The following P4HTM variants were observed in gnomAD, a reference collection of about 807,000 sequenced individuals.
P4HTM encodes the protein transmembrane prolyl 4-hydroxylase.
Under a neutral mutation model 55.3 loss-of-function variants are expected in P4HTM, and 33 were observed. That is an observed-to-expected ratio of 0.60 (90% CI 0.45 to 0.80). The LOEUF (loss-of-function observed/expected upper bound fraction) is 0.80, where lower values mean the gene tolerates loss of function less well. Ranked by LOEUF, P4HTM falls within the 30% of genes least tolerant of loss-of-function variation. P4HTM has a pLI of 0.00. For missense variants in P4HTM, 542 were observed against 696.5 expected, an observed-to-expected ratio of 0.78 and a Z score of 2.50; for synonymous variants, 272 against 286.4, an observed-to-expected ratio of 0.95 and a Z score of 0.51.
At chr3:49,003,994 G>A in intron 4 of P4HTM, 104 bp from the exon 5 acceptor site, 1 of 1,174,184 alleles carries the variant, frequency 8.5e-7, no homozygotes, top group Non-Finnish European at 1.2e-6. Flanking sequence ...AGTGCCTGAG[G>A]TCAGGGGCTG....
chr3:49,005,058 C>T lies in P4HTM; in HGVS notation c.1073+12C>T. 1 of 1,614,004 alleles carries T rather than the reference C, an allele frequency of 6.2e-7. No homozygotes were observed. The highest frequency in any genetic ancestry group is 8.5e-7 in the Non-Finnish European group (1 of 1,180,046). On this transcript the variant is annotated intron_variant, in intron 6 of 8. Transcript: ENST00000383729. ...GAGACCTCCTGCCGGCAAGTATCTC[C>T]CAACTGGGGGCTGCCTTCAATCCTC...
At position 49,002,509 on chromosome 3, in the gene P4HTM, C is replaced by A. The variant is rs17854497; in HGVS notation, c.637C>A (p.Gln213Lys). The change falls in exon 4 of 9, where the codon CAG (glutamine) becomes AAG (lysine). Residue 213 changes from glutamine (Q) to lysine (K), a missense_variant. Gln to Lys is a moderately conservative substitution (Grantham distance 53, BLOSUM62 1). This residue lies in a region of P4HTM where 536 missense variants were observed against 672.1 expected (regional missense o/e 0.80). Coordinates refer to ENST00000383729, the MANE Select transcript of P4HTM (RefSeq NM_177939.3). The surrounding 1 kb of genome is among the most constrained non-coding windows in gnomAD (Gnocchi z 4.4). ...GHLQLREVLAQTRLGNGWWMT... is the reference protein window; with the variant it reads ...GHLQLREVLAKTRLGNGWWMT... ...CCCTCTTATGCTTTAGGTTCTGGCC[C>A]AGACTCGCCTGGGAAATGGATGGTG... is the stretch of plus-strand genomic sequence containing the variant. 6.2e-7 allele frequency: 1 copy of A among 1,613,834 alleles called. No individual in the cohort carries two copies. Among genetic ancestry groups the A allele is most frequent in the Non-Finnish European group, 8.5e-7 (1 of 1,179,730 alleles).
In P4HTM at chr3:49,005,884, C is replaced by CTATT; in HGVS notation, c.1164+18_1164+21dup. On this transcript the variant is annotated intron_variant, in intron 7 of 8. Coordinates refer to ENST00000383729, the MANE Select transcript of P4HTM (RefSeq NM_177939.3). ...GATGAAATGGTAAGGGTCAACTGGG[C>CTATT]TATTACTCTTGTGGGCTGGCAGGGG... 1.3e-6 allele frequency: 2 copies of CTATT among 1,536,786 alleles called. No individual in the cohort carries two copies. The highest frequency in any genetic ancestry group is 1.8e-6 in the Non-Finnish European group (2 of 1,138,112).
intron 2 of P4HTM, among the ~76,000 whole-genome samples, chr3:49,000,761 CAG>C (rs1414733063): frequency 6.6e-6 from 1 of 152,174 alleles, no homozygotes; most frequent in Non-Finnish European, 1.5e-5. Flanking sequence ...GATCTTTACT[CAG>C]GGGTGTAGAG....
chr3:48,993,926 T>A (rs948867855), intron 2 of P4HTM, among the ~76,000 whole-genome samples: 2 of 149,722 alleles, frequency 1.3e-5, no homozygotes, highest in Non-Finnish European at 3.0e-5. Context: ...GGGCAAATTA[T>A]GAAAAGCAGA....
chr3:49,004,530 C>T, intron 5 of P4HTM: 1 of 557,036 alleles, frequency 1.8e-6, no homozygotes, highest in Non-Finnish European at 3.2e-6. Flanking sequence ...TCTTTGACCC[C>T]TTATCTGACC....
chr3:49,001,467 T>G lies in P4HTM; in HGVS notation c.466T>G (p.Cys156Gly). The G allele has an allele frequency of 6.2e-7, 1 of 1,613,742 alleles. No individual in the cohort carries two copies. Among genetic ancestry groups the G allele is most frequent in the Non-Finnish European group, 8.5e-7 (1 of 1,179,976 alleles). The change falls in exon 3 of 9, where the codon TGT (cysteine) becomes GGT (glycine). Residue 156 changes from cysteine (C) to glycine (G), a missense_variant. Cys to Gly is a radical substitution (Grantham distance 159, BLOSUM62 -3). Around this residue, in one of 2 missense-constraint regions of P4HTM, gnomAD observed 536 missense variants for 672.1 expected, o/e 0.80. Transcript: ENST00000383729. ...CCCCGGCTTCCTGACTGATGAAGAGTGTCGGCTCATCATCCATCTGGCGCA... is the reference window on the plus strand; with the variant it reads ...CCCCGGCTTCCTGACTGATGAAGAGGGTCGGCTCATCATCCATCTGGCGCA... ...EIPGFLTDEE[C>G]RLIIHLAQMK...
rs760867996 is a variant in P4HTM, at chr3:48,990,455, T to G, written c.199T>G (p.Phe67Val). 1 of 1,610,580 alleles carries G rather than the reference T, an allele frequency of 6.2e-7. No homozygotes were observed. The highest frequency in any genetic ancestry group is 1.7e-5 in the Admixed American group (1 of 59,952). ...SRAYFLVLMV[F>V]VHLYLGNVLA... is the part of the protein sequence containing the mutation. ...CGCCTACTTCCTGGTGCTGATGGTGTTCGTGCACCTGTACCTGGGTAACGT... is the reference window on the plus strand; with the variant it reads ...CGCCTACTTCCTGGTGCTGATGGTGGTCGTGCACCTGTACCTGGGTAACGT... The change falls in exon 1 of 9, where the codon TTC (phenylalanine) becomes GTC (valine). Residue 67 changes from phenylalanine (F) to valine (V), a missense_variant. Coordinates refer to ENST00000383729, the MANE Select transcript of P4HTM (RefSeq NM_177939.3). This position sits in a 1 kb window ranked among gnomAD's most constrained non-coding sequence, Gnocchi z 7.2.
chr3:49,006,192 G>T lies in P4HTM; in HGVS notation c.1288+5G>T. 6.2e-7 allele frequency: 1 copy of T among 1,610,922 alleles called. No homozygotes were observed. Among genetic ancestry groups the T allele is most frequent in the South Asian group, 1.1e-5 (1 of 91,012 alleles). On this transcript the variant is annotated splice_donor_5th_base_variant and intron_variant, in intron 8 of 8. Transcript: ENST00000383729. Reference sequence around the variant, plus strand: ...ACTACCTGCCTGATGGGCAAGGTGAGGGCCTATGGCCAGGCCTGGGGGGGG... The same window carrying T: ...ACTACCTGCCTGATGGGCAAGGTGATGGCCTATGGCCAGGCCTGGGGGGGG...
chr3:48,996,212 A>G (rs1300852301), intron 2 of P4HTM: 1 of 152,174 alleles, frequency 6.6e-6, no homozygotes, highest in East Asian at 1.9e-4. Context: ...CATGACAAAC[A>G]CTGGAGGCCC....
At chr3:49,000,732 C>T (rs2092958574) in intron 2 of P4HTM, among the ~76,000 whole-genome samples, 1 of 152,196 alleles carries the variant, frequency 6.6e-6, no homozygotes, top group Non-Finnish European at 1.5e-5. Context: ...GCCACTGAAG[C>T]CAAGCCCCAG....
At position 49,002,277 on chromosome 3, in the gene P4HTM, G is replaced by A. The variant is rs1251328091; in HGVS notation, c.628-223G>A. On this transcript the variant is annotated intron_variant, in intron 3 of 8. Transcript: ENST00000383729. This position sits in a 1 kb window ranked among gnomAD's most constrained non-coding sequence, Gnocchi z 4.4. ...ATGAAGGCCACGGGGCCTTAGTCCG[G>A]GAATGCAAATGGCCTACGCCTCTTG... 6.6e-6 allele frequency among the ~76,000 whole-genome samples: 1 copy of A among 152,250 alleles called. No individual in the cohort carries two copies. Among genetic ancestry groups the A allele is most frequent in the Non-Finnish European group, 1.5e-5 (1 of 68,042 alleles).
In P4HTM at chr3:49,004,715, C is replaced by T. The variant is rs190885297; in HGVS notation, c.888-146C>T. The T allele has an allele frequency of 1.3e-5, 10 of 748,772 alleles. No homozygotes were observed. In the East Asian group the frequency reaches 2.2e-4, roughly 17 times the overall value. The allele number at this position is 748,772 out of a possible 1,614,324, so 46.4% of individuals were successfully genotyped here. On this transcript the variant is annotated intron_variant, in intron 5 of 8. Coordinates refer to ENST00000383729, the MANE Select transcript of P4HTM (RefSeq NM_177939.3). ...CATGAGTAACCCCCTCCTGCTCTTA[C>T]AGGGCCAGTCTGAGATGGCTTAAGG...
Position 49,006,741 on chromosome 3 carries a change from G to A in P4HTM, c.1343G>A (p.Arg448His), listed in dbSNP as rs2092984186. ...YSLHGGCLVTRGTKWIANNWI... is the reference protein window; with the variant it reads ...YSLHGGCLVTHGTKWIANNWI... Reference sequence around the variant, plus strand: ...CTGCACGGGGGCTGCCTGGTCACGCGCGGCACCAAGTGGATTGCCAACAAC... The same window carrying A: ...CTGCACGGGGGCTGCCTGGTCACGCACGGCACCAAGTGGATTGCCAACAAC... The change falls in exon 9 of 9, where the codon CGC (arginine) becomes CAC (histidine). Residue 448 changes from arginine (R) to histidine (H), a missense_variant. Coordinates refer to ENST00000383729, the MANE Select transcript of P4HTM (RefSeq NM_177939.3). 1 of 1,613,724 alleles carries A rather than the reference G, an allele frequency of 6.2e-7. No homozygotes were observed.
intron 5 of P4HTM, 100 bp downstream of exon 5, chr3:49,004,360 C>T: frequency 8.3e-7 from 1 of 1,200,032 alleles, no homozygotes. Flanking sequence ...AATGGATTAA[C>T]CCATTTGGGA....
chr3:48,992,522 C>T (rs993149110), intron 2 of P4HTM, among the ~76,000 whole-genome samples: 1 of 151,260 alleles, frequency 6.6e-6, no homozygotes, highest in African/African-American at 2.4e-5. Context: ...ATGAGAATTA[C>T]TTGAACCCAG....
chr3:48,993,425 C>T (rs908672352), intron 2 of P4HTM, among the ~76,000 whole-genome samples: 4 of 152,108 alleles, frequency 2.6e-5, no homozygotes, highest in African/African-American at 9.7e-5. Flanking sequence ...ACACTACTAA[C>T]GACTACTATG....
intron 4 of P4HTM, chr3:49,003,735 C>G (rs890934055): frequency 5.2e-6 from 1 of 191,772 alleles, no homozygotes; most frequent in African/African-American, 2.4e-5. Flanking sequence ...CTCCACAGGC[C>G]GGAGAGTGGC....
In P4HTM at chr3:48,996,847, C is replaced by G. The variant is rs188998054; in HGVS notation, c.437-4591C>G. 1.3e-3 allele frequency among the ~76,000 whole-genome samples: 197 copies of G among 152,260 alleles called. 1 individual carries two copies. The Middle Eastern group carries it at 0.017, about 13-fold the overall frequency. On this transcript the variant is annotated intron_variant, in intron 2 of 8. Transcript: ENST00000383729. ...CATAGCCCAAGGCTATGTGCCTGCCCGGAGACTCAGCTTGGGGTTCCGAGG... is the reference window on the plus strand; with the variant it reads ...CATAGCCCAAGGCTATGTGCCTGCCGGGAGACTCAGCTTGGGGTTCCGAGG...
Sources: allele counts gnomAD v4.1 joint callset (sites outside exome capture counted in the v4.1 genomes callset), GRCh38; gene constraint gnomAD v4.1.1; regional missense constraint gnomAD v4.1.1; non-coding constraint Gnocchi (gnomAD v3.1); transcripts MANE v1.5; gene names NCBI Gene and HGNC (gene_info 2026-07-23, HGNC 2026-07-21).